BIK: variants seen among roughly 807,000 people sequenced by gnomAD.
BIK encodes the protein BCL2 interacting killer.
BIK carries 14 observed loss-of-function variants against 12.1 expected under a neutral mutation model. The observed-to-expected ratio is 1.16, with a 90% confidence interval of 0.77 to 1.81. BIK has a LOEUF of 1.81. BIK is among the 40% of genes most tolerant of loss of function. The pLI, the probability that BIK is intolerant of heterozygous loss-of-function variation, is 0.00. For missense variants in BIK, 215 were observed against 207.9 expected, an observed-to-expected ratio of 1.03 and a Z score of -0.21; for synonymous variants, 86 against 92.3, an observed-to-expected ratio of 0.93 and a Z score of 0.39.
chr22:43,118,590 T>C (rs1387030398), intron 1 of BIK, among the ~76,000 whole-genome samples: 1 of 152,114 alleles, frequency 6.6e-6, no homozygotes, highest in Non-Finnish European at 1.5e-5. Context: ...ACCCTCATGG[T>C]CCAGGGCCAG....
At chr22:43,115,737 A>G (rs1930099045) in intron 1 of BIK, among the ~76,000 whole-genome samples, 1 of 152,016 alleles carries the variant, frequency 6.6e-6, no homozygotes, top group Non-Finnish European at 1.5e-5. Flanking sequence ...TGCTAGGATT[A>G]TAGGTGTGAG....
chr22:43,118,847 A>G (rs1356981626), intron 1 of BIK, among the ~76,000 whole-genome samples: 18 of 151,436 alleles, frequency 1.2e-4, no homozygotes, highest in Admixed American at 5.3e-4. Flanking sequence ...TCTGCCCCCA[A>G]CCCCGCTCTG....
chr22:43,125,319 T>A (rs907113600), intron 2 of BIK, among the ~76,000 whole-genome samples: 1 of 152,188 alleles, frequency 6.6e-6, no homozygotes, highest in East Asian at 1.9e-4. Context: ...CTCCTGGGAA[T>A]GCAACCCAGT....
chr22:43,126,952 G>A (rs1249806430), intron 2 of BIK, among the ~76,000 whole-genome samples: 2 of 152,118 alleles, frequency 1.3e-5, no homozygotes, highest in African/African-American at 4.8e-5. Flanking sequence ...TGGGGCCAGG[G>A]CCCAGGGCCG....
At chr22:43,129,122 C>T in intron 4 of BIK, 91 bp from the exon 5 acceptor site, 1 of 1,594,718 alleles carries the variant, frequency 6.3e-7, no homozygotes, top group Non-Finnish European at 8.5e-7. Context: ...TCCCCACCCT[C>T]CTGGGCTTCC....
intron 1 of BIK, among the ~76,000 whole-genome samples, chr22:43,116,327 G>T (rs1303442301): frequency 6.6e-6 from 1 of 152,222 alleles, no homozygotes; most frequent in East Asian, 1.9e-4. Flanking sequence ...CCAGGCTGGA[G>T]TGCAGTGGCG....
chr22:43,115,184 A>G (rs1930087098), intron 1 of BIK, among the ~76,000 whole-genome samples: 1 of 152,192 alleles, frequency 6.6e-6, no homozygotes, highest in African/African-American at 2.4e-5. Flanking sequence ...GGGACAACAC[A>G]GATGAGGAGC....
At position 43,129,456 on chromosome 22, in the gene BIK, A is replaced by T; in HGVS notation, c.*151A>T. The T allele has an allele frequency of 7.8e-7, 1 of 1,281,226 alleles. No individual in the cohort carries two copies. Among genetic ancestry groups the T allele is most frequent in the Non-Finnish European group, 1.0e-6 (1 of 968,278 alleles). The allele number at this position is 1,281,226 out of a possible 1,614,324, so 79.4% of individuals were successfully genotyped here. On this transcript the variant is annotated 3_prime_UTR_variant, in exon 5 of 5. Transcript: ENST00000216115. ...AGTGCTGGAACACTGCTGAGGTTTT[A>T]TACTCAGGTTTTTTGTTTTTTTTTT...
At position 43,129,514 on chromosome 22, in the gene BIK, T is replaced by A; in HGVS notation, c.*209T>A. 1 of 809,416 alleles carries A rather than the reference T, an allele frequency of 1.2e-6. No homozygotes were observed. The highest frequency in any genetic ancestry group is 1.9e-6 in the Non-Finnish European group (1 of 538,220). 50.1% of individuals were successfully genotyped at this position (809,416 alleles called of 1,614,324 possible). A position where few individuals can be genotyped will look rare whatever the true frequency, so the allele number is the denominator to read the frequency against. ...TTTTCGTTTTTTCTAAAAGATGAAT[T>A]CCTATGGCTCTGCAATTGTCACCGG... On this transcript the variant is annotated 3_prime_UTR_variant, in exon 5 of 5. Coordinates refer to ENST00000216115, the MANE Select transcript of BIK (RefSeq NM_001197.5).
At chr22:43,128,041 TTC>T (rs1018238588) in intron 3 of BIK, among the ~76,000 whole-genome samples, 12 of 152,230 alleles carry the variant, frequency 7.9e-5, no homozygotes, top group African/African-American at 2.9e-4. Context: ...CAGGGCCCTT[TTC>T]TCTCTCGCCG....
chr22:43,128,477 C>T lies in BIK; in HGVS notation c.261-19C>T. Reference sequence around the variant, plus strand: ...CTCCTGCAGTAATGGCTTTGTCCCCCCATCCTCTTTGTCTATAGCCTGGGT... The same window carrying T: ...CTCCTGCAGTAATGGCTTTGTCCCCTCATCCTCTTTGTCTATAGCCTGGGT... On this transcript the variant is annotated intron_variant, in intron 3 of 4. Coordinates refer to ENST00000216115, the MANE Select transcript of BIK (RefSeq NM_001197.5). 1 of 1,564,960 alleles carries T rather than the reference C, an allele frequency of 6.4e-7. No individual in the cohort carries two copies. The highest frequency in any genetic ancestry group is 1.7e-4 in the Middle Eastern group (1 of 5,948).
At chr22:43,116,557 C>G (rs889359227) in intron 1 of BIK, among the ~76,000 whole-genome samples, 6 of 151,878 alleles carry the variant, frequency 4.0e-5, no homozygotes, top group African/African-American at 1.5e-4. Context: ...CTCCCAGGTT[C>G]AAGTGATTCT....
At chr22:43,117,655 C>T (rs1174756288) in intron 1 of BIK, among the ~76,000 whole-genome samples, 1 of 151,928 alleles carries the variant, frequency 6.6e-6, no homozygotes, top group Non-Finnish European at 1.5e-5. Flanking sequence ...CAGGCGTGAG[C>T]CACCGCGCCC....
At chr22:43,128,453 T>C (rs745606647) in intron 3 of BIK, 43 bp from the exon 4 acceptor site, 1 of 1,603,462 alleles carries the variant, frequency 6.2e-7, no homozygotes, top group Admixed American at 1.7e-5. Flanking sequence ...CCCTACCTGC[T>C]CCTGCAGTAA....
intron 1 of BIK, among the ~76,000 whole-genome samples, chr22:43,115,469 A>AT (rs373302150): frequency 0.017 from 2,596 of 149,608 alleles, 60 homozygotes; most frequent in African/African-American, 0.058. Context: ...AACTTGTTTT[A>AT]TTTTTTTTTT....
intron 2 of BIK, 103 bp from the exon 3 acceptor site, chr22:43,127,594 C>T: frequency 1.9e-6 from 2 of 1,044,838 alleles, no homozygotes; most frequent in Non-Finnish European, 1.4e-6. Context: ...CTCTTATCCT[C>T]TGGGCCACTC....
chr22:43,124,487 C>T (rs1342238469), intron 2 of BIK, among the ~76,000 whole-genome samples: 1 of 152,238 alleles, frequency 6.6e-6, no homozygotes, highest in African/African-American at 2.4e-5. Flanking sequence ...GGGAGCTAGA[C>T]AGGCCCTTAG....
At chr22:43,117,799 T>C (rs1930146661) in intron 1 of BIK, among the ~76,000 whole-genome samples, 1 of 151,468 alleles carries the variant, frequency 6.6e-6, no homozygotes, top group Non-Finnish European at 1.5e-5. Context: ...GCCACCCGAG[T>C]AGCTGGATTA....
At chr22:43,115,882 G>A (rs1601728265) in intron 1 of BIK, among the ~76,000 whole-genome samples, 1 of 151,106 alleles carries the variant, frequency 6.6e-6, no homozygotes, top group Non-Finnish European at 1.5e-5. Context: ...TTAGTCTCCC[G>A]AGTAGCTTGG....
Sources: gnomAD v4.1 joint callset for allele counts (sites outside exome capture counted in the v4.1 genomes callset) on GRCh38, gnomAD v4.1.1 for gene constraint, MANE v1.5 for transcripts, NCBI Gene and HGNC (gene_info 2026-07-23, HGNC 2026-07-21) for gene names.